The following PDSS2 variants were observed in gnomAD, a reference collection of about 807,000 sequenced individuals.
The protein encoded by PDSS2 is decaprenyl diphosphate synthase subunit 2.
A neutral mutation model predicts 44.5 loss-of-function variants in PDSS2; 31 were observed. The observed-to-expected ratio is 0.70, with a 90% CI of 0.52 to 0.94. The LOEUF is 0.94. Ranked by LOEUF, PDSS2 falls within the 40% of genes least tolerant of loss-of-function variation. PDSS2 has a pLI of 0.00. For synonymous variants in PDSS2, 157 were observed against 180.3 expected, an observed-to-expected ratio of 0.87 and a Z score of 1.03; for missense variants, 452 against 482.2, an observed-to-expected ratio of 0.94 and a Z score of 0.59.
chr6:107,302,107 A>G (rs1776715792), intron 2 of PDSS2, among the ~76,000 whole-genome samples: 1 of 152,138 alleles, frequency 6.6e-6, no homozygotes, highest in Admixed American at 6.6e-5. Flanking sequence ...TGATTTCTCA[A>G]TAAAACTGTT....
intron 1 of PDSS2, among the ~76,000 whole-genome samples, chr6:107,334,539 G>A (rs113693293): frequency 5.5e-5 from 6 of 109,230 alleles, no homozygotes; most frequent in Non-Finnish European, 1.3e-4. Context: ...TGTTGTTGTT[G>A]TTGTTGTTGT....
At chr6:107,336,019 T>TG (rs1227289582) in intron 1 of PDSS2, among the ~76,000 whole-genome samples, 3 of 8,056 alleles carry the variant, frequency 3.7e-4, no homozygotes, top group Non-Finnish European at 5.6e-4. Flanking sequence ...GTGGGGGGGG[T>TG]GGGGGGTGGG....
chr6:107,360,135 A>T (rs1043686361), intron 1 of PDSS2, among the ~76,000 whole-genome samples: 1 of 152,194 alleles, frequency 6.6e-6, no homozygotes, highest in Non-Finnish European at 1.5e-5. Context: ...CACTTTCCAA[A>T]GATCTCAAGA....
chr6:107,431,030 G>A (rs1168295095), intron 1 of PDSS2, among the ~76,000 whole-genome samples: 1 of 152,092 alleles, frequency 6.6e-6, no homozygotes, highest in African/African-American at 2.4e-5. Context: ...AATCACGTTG[G>A]GTTCTGTCAC....
At chr6:107,212,339 C>G in intron 4 of PDSS2, 57 bp from the exon 5 acceptor site, 3 of 1,393,336 alleles carry the variant, frequency 2.2e-6, no homozygotes, top group Admixed American at 2.0e-5. Context: ...TTAATTGTTT[C>G]TGTTTTTGAA....
At chr6:107,216,883 A>G (rs1773430739) in intron 4 of PDSS2, among the ~76,000 whole-genome samples, 1 of 152,210 alleles carries the variant, frequency 6.6e-6, no homozygotes, top group Admixed American at 6.5e-5. Context: ...TGTACTTTTT[A>G]GATAGAGAGA....
chr6:107,179,820 T>C (rs1445652208), intron 7 of PDSS2, among the ~76,000 whole-genome samples: 1 of 152,146 alleles, frequency 6.6e-6, no homozygotes, highest in Non-Finnish European at 1.5e-5. Flanking sequence ...GAGTAGTGCT[T>C]GGAGACACTG....
chr6:107,326,104 C>CT (rs1177945820), intron 2 of PDSS2, among the ~76,000 whole-genome samples: 22,791 of 136,162 alleles, frequency 0.17, 2,035 homozygotes, highest in East Asian at 0.25. Context: ...TTTCTTTTTT[C>CT]TTTTTTTTTT....
chr6:107,284,162 T>C (rs2114989765), intron 2 of PDSS2, among the ~76,000 whole-genome samples: 1 of 152,210 alleles, frequency 6.6e-6, no homozygotes, highest in East Asian at 1.9e-4. Context: ...TCCTTACCTC[T>C]CTTCTTTTTG....
intron 1 of PDSS2, among the ~76,000 whole-genome samples, chr6:107,448,867 G>A (rs560485472): frequency 6.6e-5 from 10 of 152,354 alleles, no homozygotes; most frequent in African/African-American, 2.2e-4. Flanking sequence ...GAGAGAATGA[G>A]TGCCAGCAGG....
intron 4 of PDSS2, among the ~76,000 whole-genome samples, chr6:107,235,009 A>G (rs1774177621): frequency 6.6e-6 from 1 of 152,246 alleles, no homozygotes; most frequent in South Asian, 2.1e-4. Flanking sequence ...CAAAAGTTAT[A>G]AGCCATTTGA....
At chr6:107,173,597 A>AAAAAG (rs1771684674) in intron 7 of PDSS2, among the ~76,000 whole-genome samples, 1 of 148,680 alleles carries the variant, frequency 6.7e-6, no homozygotes, top group Non-Finnish European at 1.5e-5. Context: ...AAAAAAAAAA[A>AAAAAG]CGCTTAGAAC....
intron 5 of PDSS2, 23 bp from the exon 6 acceptor site, chr6:107,210,593 T>C (rs1773165021): frequency 1.3e-6 from 2 of 1,497,878 alleles, no homozygotes; most frequent in Non-Finnish European, 1.9e-6. Flanking sequence ...ATTAAATGAG[T>C]AAATTAGTGA....
At position 107,274,043 on chromosome 6, in the gene PDSS2, G is replaced by C; in HGVS notation, c.616C>G (p.Leu206Val). 1 of 1,613,854 alleles carries C rather than the reference G, an allele frequency of 6.2e-7. No homozygotes were observed. The highest frequency in any genetic ancestry group is 8.5e-7 in the Non-Finnish European group (1 of 1,179,776). ...CCCAATTTTACCTTGGTGTTCTGTA[G>C]CAGAGCTAGTCCATTGCAGGCATTT... ...LANACNGLAL[L>V]QNTKVVELLA... The change falls in exon 3 of 8, where the codon CTA (leucine) becomes GTA (valine). Residue 206 changes from leucine to valine, a missense_variant. Leu to Val is a conservative substitution (Grantham distance 32). Coordinates refer to ENST00000369037, the MANE Select transcript of PDSS2 (RefSeq NM_020381.4).
At chr6:107,364,172 C>A (rs1368323605) in intron 1 of PDSS2, among the ~76,000 whole-genome samples, 1 of 152,268 alleles carries the variant, frequency 6.6e-6, no homozygotes, top group Non-Finnish European at 1.5e-5. Flanking sequence ...AGGAGCCCAG[C>A]TGGCTTCACC....
At chr6:107,169,479 G>A (rs940125995) in intron 7 of PDSS2, among the ~76,000 whole-genome samples, 2 of 152,080 alleles carry the variant, frequency 1.3e-5, no homozygotes, top group Non-Finnish European at 2.9e-5. Context: ...CTCTCAACTC[G>A]TCAAAGTCAT....
At chr6:107,287,880 A>T (rs1359652950) in intron 2 of PDSS2, among the ~76,000 whole-genome samples, 1 of 152,042 alleles carries the variant, frequency 6.6e-6, no homozygotes, top group African/African-American at 2.4e-5. Context: ...CTATAGTCCC[A>T]GCTATTAGGG....
intron 2 of PDSS2, among the ~76,000 whole-genome samples, chr6:107,323,207 G>C (rs1028030010): frequency 6.6e-6 from 1 of 152,176 alleles, no homozygotes; most frequent in Non-Finnish European, 1.5e-5. Context: ...TCCAGCAAAA[G>C]AGTTTTAGAA....
intron 3 of PDSS2, among the ~76,000 whole-genome samples, chr6:107,273,671 AAC>A (rs1775678427): frequency 6.6e-6 from 1 of 152,150 alleles, no homozygotes; most frequent in African/African-American, 2.4e-5. Flanking sequence ...ATTAATGAAC[AAC>A]AAAAAAAGAC....
Sources: allele counts gnomAD v4.1 joint callset (sites outside exome capture counted in the v4.1 genomes callset), GRCh38; gene constraint gnomAD v4.1.1; transcripts MANE v1.5; gene names NCBI Gene and HGNC (gene_info 2026-07-23, HGNC 2026-07-21).